ADAMTS16: variants seen among roughly 807,000 people sequenced by gnomAD.
The protein encoded by ADAMTS16 is ADAM metallopeptidase with thrombospondin type 1 motif 16.
ADAMTS16 carries 94 observed loss-of-function variants against 145.8 expected under a neutral mutation model. The ratio of observed to expected loss-of-function variants is 0.64; its 90% CI spans 0.55 to 0.77. The LOEUF is 0.77. ADAMTS16 is among the 30% of genes least tolerant of loss of function. The pLI is 0.00. For missense variants in ADAMTS16, 1,585 were observed against 1,591.5 expected (o/e 1.00, Z 0.07); for synonymous variants, 659 against 604.3 (o/e 1.09, Z -1.33).
intron 18 of ADAMTS16, among the ~76,000 whole-genome samples, chr5:5,291,222 G>T (rs559203662): frequency 6.6e-6 from 1 of 151,960 alleles, no homozygotes; most frequent in East Asian, 1.9e-4. Context: ...GTATTTACCA[G>T]TCAGGTCTTT....
At chr5:5,268,381 C>T (rs1055279836) in intron 18 of ADAMTS16, among the ~76,000 whole-genome samples, 5 of 152,206 alleles carry the variant, frequency 3.3e-5, no homozygotes, top group South Asian at 2.1e-4. Context: ...ACTCACCGTA[C>T]GTAGCACTGC....
chr5:5,285,608 C>A (rs1439224096), intron 18 of ADAMTS16, among the ~76,000 whole-genome samples: 1 of 152,194 alleles, frequency 6.6e-6, no homozygotes, highest in East Asian at 1.9e-4. Context: ...GCAGGTAAAG[C>A]ACCTCATTAA....
At chr5:5,230,460 C>A (rs1038505487) in intron 11 of ADAMTS16, among the ~76,000 whole-genome samples, 1 of 151,976 alleles carries the variant, frequency 6.6e-6, no homozygotes, top group East Asian at 1.9e-4. Flanking sequence ...TTTGGAGAAC[C>A]CTTAGTGAAA....
chr5:5,315,218 T>C (rs548035035), intron 21 of ADAMTS16, among the ~76,000 whole-genome samples: 2 of 152,258 alleles, frequency 1.3e-5, no homozygotes, highest in East Asian at 3.9e-4. Context: ...TCTCTCACTA[T>C]CACAAGAACA....
intron 3 of ADAMTS16, among the ~76,000 whole-genome samples, chr5:5,174,412 A>T (rs2126547631): frequency 6.7e-6 from 1 of 149,418 alleles, no homozygotes; most frequent in East Asian, 2.0e-4. Context: ...GAGTTTGTTT[A>T]TTAAGTGCTT....
intron 22 of ADAMTS16, 88 bp downstream of exon 22, chr5:5,318,369 G>A (rs887876177): frequency 3.2e-6 from 4 of 1,252,404 alleles, no homozygotes; most frequent in Non-Finnish European, 4.1e-6. Flanking sequence ...CCTGGAGTTA[G>A]GGTCTTGCGT....
intron 18 of ADAMTS16, among the ~76,000 whole-genome samples, chr5:5,293,257 A>G (rs1298006055): frequency 1.3e-5 from 2 of 152,046 alleles, no homozygotes; most frequent in Admixed American, 1.3e-4. Context: ...GAGGACAGTT[A>G]GGAGTCACTG....
intron 10 of ADAMTS16, among the ~76,000 whole-genome samples, chr5:5,211,657 A>T (rs1736273423): frequency 2.0e-5 from 3 of 151,814 alleles, no homozygotes; most frequent in Non-Finnish European, 4.4e-5. Context: ...AACCTTTCTT[A>T]TTTTCCTAAT....
chr5:5,297,065 G>A (rs1458886606), intron 18 of ADAMTS16, among the ~76,000 whole-genome samples: 4 of 152,192 alleles, frequency 2.6e-5, no homozygotes, highest in Admixed American at 1.3e-4. Context: ...TTGGAGAGGG[G>A]ACTGGCAGTA....
At chr5:5,181,747 G>A (rs1735345242) in intron 3 of ADAMTS16, among the ~76,000 whole-genome samples, 1 of 152,138 alleles carries the variant, frequency 6.6e-6, no homozygotes, top group African/African-American at 2.4e-5. Flanking sequence ...TAAATTAACT[G>A]ACTTTGGTAT....
chr5:5,215,697 C>CATATATATATAT (rs57628837), intron 10 of ADAMTS16, among the ~76,000 whole-genome samples: 3 of 131,888 alleles, frequency 2.3e-5, no homozygotes, highest in Non-Finnish European at 3.2e-5. Flanking sequence ...TATTCCATTA[C>CATATATATATAT]ATATATATAT....
rs1236688875 is a variant in ADAMTS16 at position 5,310,925 on chromosome 5, A to T, written c.3411+4197A>T. Among the ~76,000 whole-genome samples, 1 of 152,018 alleles carries T rather than the reference A, an allele frequency of 6.6e-6. No homozygotes were observed. Among genetic ancestry groups the T allele is most frequent in the East Asian group, 1.9e-4 (1 of 5,174 alleles). ...TGCCTGAAGGCAAGTGCCTTCTTTC[A>T]CTTTATATGCTGCAGAGCCCTAGCC... On this transcript the variant is annotated intron_variant, in intron 21 of 22. Transcript: ENST00000274181. The surrounding 1 kb of genome is among the most constrained non-coding windows in gnomAD (Gnocchi z 4.3).
chr5:5,252,968 A>G (rs1401835000), intron 17 of ADAMTS16, among the ~76,000 whole-genome samples: 1 of 152,026 alleles, frequency 6.6e-6, no homozygotes, highest in Admixed American at 6.5e-5. Flanking sequence ...CATCAAATAT[A>G]CCCTCTTTTT....
At chr5:5,232,219 T>G in intron 11 of ADAMTS16, 149 bp from the exon 12 acceptor site, 1 of 790,138 alleles carries the variant, frequency 1.3e-6, no homozygotes, top group Non-Finnish European at 2.0e-6. Context: ...TGTACTGTAT[T>G]TATATTAGGT....
intron 20 of ADAMTS16, among the ~76,000 whole-genome samples, chr5:5,304,989 C>CCACACA (rs201782122): frequency 2.1e-4 from 12 of 57,452 alleles, no homozygotes; most frequent in Non-Finnish European, 1.5e-4. Flanking sequence ...ACATCCTACA[C>CCACACA]CACACACACA....
At chr5:5,302,054 C>G (rs1298477527) in intron 18 of ADAMTS16, among the ~76,000 whole-genome samples, 1 of 152,184 alleles carries the variant, frequency 6.6e-6, no homozygotes, top group Non-Finnish European at 1.5e-5. Context: ...AGCTCAAGCC[C>G]TCCTGCCCAG....
chr5:5,168,491 G>A (rs1313131651), intron 3 of ADAMTS16, among the ~76,000 whole-genome samples: 1 of 141,968 alleles, frequency 7.0e-6, no homozygotes, highest in East Asian at 2.0e-4. Flanking sequence ...TTAAAAAAAA[G>A]CATTCAGGAC....
chr5:5,160,757 CA>C (rs35314305), intron 3 of ADAMTS16, among the ~76,000 whole-genome samples: 42,999 of 143,104 alleles, frequency 0.3, 6,870 homozygotes, highest in East Asian at 0.47. Flanking sequence ...AAAAATATAC[CA>C]AAAAAAAAAA....
At chr5:5,184,087 C>A (rs1315232084) in intron 4 of ADAMTS16, among the ~76,000 whole-genome samples, 1 of 152,144 alleles carries the variant, frequency 6.6e-6, no homozygotes, top group Admixed American at 6.5e-5. Context: ...ATGTGACCAG[C>A]CCAGGCCCCG....
Sources: allele counts gnomAD v4.1 joint callset (sites outside exome capture counted in the v4.1 genomes callset), GRCh38; gene constraint gnomAD v4.1.1; non-coding constraint Gnocchi (gnomAD v3.1); transcripts MANE v1.5; gene names NCBI Gene and HGNC (gene_info 2026-07-23, HGNC 2026-07-21).